The following ARMH3 variants were observed in gnomAD, a reference collection of about 807,000 sequenced individuals.
ARMH3 encodes armadillo-like helical domain-containing protein 3.
Under a neutral mutation model 99.1 loss-of-function variants are expected in ARMH3, and 60 were observed. The ratio of observed to expected loss-of-function variants is 0.61; its 90% confidence interval spans 0.49 to 0.75. The LOEUF is 0.75. Ranked by LOEUF, ARMH3 falls within the 30% of genes least tolerant of loss-of-function variation. ARMH3 has a pLI of 0.00. For synonymous variants in ARMH3, 285 were observed against 292.8 expected (o/e 0.97, Z 0.27); for missense variants, 679 against 843.1 (o/e 0.81, Z 2.41).
intron 1 of ARMH3, among the ~76,000 whole-genome samples, chr10:102,041,075 CATATATATATATATA>C (rs2067399922): frequency 1.5e-5 from 2 of 132,006 alleles, no homozygotes; most frequent in African/African-American, 5.5e-5. Context: ...ATTGTGTGTA[CATATATATATATATA>C]ATATATATAT....
intron 20 of ARMH3, among the ~76,000 whole-genome samples, 163 bp downstream of exon 20, chr10:101,975,049 T>TAAAAA (rs11399489): frequency 3.4e-5 from 1 of 29,668 alleles, no homozygotes; most frequent in Non-Finnish European, 6.0e-5. Flanking sequence ...AGCTAAAACG[T>TAAAAA]AAAAAAAAAA....
intron 24 of ARMH3, among the ~76,000 whole-genome samples, chr10:101,876,472 T>C (rs1311116883): frequency 1.3e-5 from 2 of 152,182 alleles, no homozygotes. Context: ...CTCATTTATC[T>C]ATCCCTCCCA....
At chr10:102,025,081 AT>A in intron 6 of ARMH3, 74 bp downstream of exon 6, 1 of 1,237,388 alleles carries the variant, frequency 8.1e-7, no homozygotes, top group Non-Finnish European at 1.2e-6. Flanking sequence ...TTTTCCTTCT[AT>A]CTTTGGGCTC....
intron 24 of ARMH3, among the ~76,000 whole-genome samples, chr10:101,871,995 C>CA (rs1305821276): frequency 7.6e-5 from 11 of 145,182 alleles, no homozygotes; most frequent in Admixed American, 2.1e-4. Context: ...GTAAGACTCT[C>CA]AAAAAAAAAG....
At chr10:101,994,697 C>G (rs1846973176) in intron 16 of ARMH3, among the ~76,000 whole-genome samples, 1 of 152,168 alleles carries the variant, frequency 6.6e-6, no homozygotes, top group Admixed American at 6.6e-5. Flanking sequence ...TTACTATCCA[C>G]CCCTTCACCC....
At chr10:101,935,254 C>A (rs1184807998) in intron 23 of ARMH3, among the ~76,000 whole-genome samples, 1 of 149,400 alleles carries the variant, frequency 6.7e-6, no homozygotes, top group African/African-American at 2.5e-5. Context: ...AGAAAACATA[C>A]AGGGCCCTGT....
Position 101,939,799 on chromosome 10 carries a change from G to C in ARMH3, c.1781+64C>G. On this transcript the variant is annotated intron_variant, in intron 23 of 25. Transcript: ENST00000370033. ...AGTAGTGTTCAACACACTTTACTTA[G>C]AAAGGTACAATAAACCTCAGGAAGA... is the stretch of plus-strand genomic sequence containing the variant. 2.1e-6 allele frequency: 3 copies of C among 1,402,520 alleles called. No homozygotes were observed. In the South Asian group the frequency reaches 3.5e-5, roughly 16 times the overall value. 86.9% of individuals were successfully genotyped at this position (1,402,520 alleles called of 1,614,324 possible).
At chr10:102,005,791 T>C (rs2066470476) in intron 14 of ARMH3, among the ~76,000 whole-genome samples, 1 of 152,212 alleles carries the variant, frequency 6.6e-6, no homozygotes, top group Non-Finnish European at 1.5e-5. Context: ...TTTTCTTAGG[T>C]TCCAGCCATA....
chr10:101,940,500 G>A (rs11191155), intron 22 of ARMH3, among the ~76,000 whole-genome samples: 32,063 of 151,394 alleles, frequency 0.21, 3,815 homozygotes, highest in East Asian at 0.56. Context: ...TGTGCACAAC[G>A]TGCAGGTTTG....
chr10:101,949,632 A>G (rs915629272), intron 22 of ARMH3, among the ~76,000 whole-genome samples: 1 of 152,178 alleles, frequency 6.6e-6, no homozygotes, highest in Non-Finnish European at 1.5e-5. Flanking sequence ...GGCAAATTTT[A>G]CCAAACATTT....
intron 24 of ARMH3, among the ~76,000 whole-genome samples, chr10:101,867,517 T>G (rs891381806): frequency 2.6e-5 from 4 of 152,208 alleles, no homozygotes; most frequent in Non-Finnish European, 4.4e-5. Context: ...ATTACAACAC[T>G]GAAGATGCCA....
At chr10:101,991,099 G>C (rs1846769025) in intron 18 of ARMH3, among the ~76,000 whole-genome samples, 3 of 152,220 alleles carry the variant, frequency 2.0e-5, no homozygotes, top group Non-Finnish European at 4.4e-5. Context: ...TTTGGGTCAA[G>C]AGAGGCTTAT....
chr10:101,920,160 T>C (rs957465548), intron 23 of ARMH3, among the ~76,000 whole-genome samples: 2 of 152,202 alleles, frequency 1.3e-5, no homozygotes, highest in African/African-American at 4.8e-5. Flanking sequence ...GCTCACAGCC[T>C]AGTCAAGAGG....
chr10:102,053,214 T>TAA (rs1191838493), intron 1 of ARMH3, among the ~76,000 whole-genome samples: 4,646 of 47,966 alleles, frequency 0.097, 43 homozygotes, highest in Middle Eastern at 0.15. Flanking sequence ...CCTCAGAAGC[T>TAA]AAAAAAAAAA....
At position 101,849,860 on chromosome 10, in the gene ARMH3, C is replaced by A. The variant is rs776445122; in HGVS notation, c.1893G>T (p.Thr631=). The A allele has an allele frequency of 1.2e-6, 2 of 1,614,096 alleles. No homozygotes were observed. The highest frequency in any genetic ancestry group is 2.2e-5 in the South Asian group (2 of 91,086). Reference sequence around the variant, plus strand: ...GGCCATCCTGCAGCTTCAGCGTGAGCGTGTCATAGTTGGCTCTCACCACCT... The same window carrying A: ...GGCCATCCTGCAGCTTCAGCGTGAGAGTGTCATAGTTGGCTCTCACCACCT... The part of the protein sequence containing the change: ...VLEVVRANYD[T]LTLKLQDGLD... The change falls in exon 25 of 26, where the codon ACG becomes ACT. Residue 631 remains threonine, a synonymous_variant. Coordinates refer to ENST00000370033, the MANE Select transcript of ARMH3 (RefSeq NM_024541.3).
At position 102,031,577 on chromosome 10, in the gene ARMH3, T is replaced by C. The variant is rs115552915; in HGVS notation, c.306+1449A>G. 9.4e-3 allele frequency among the ~76,000 whole-genome samples: 1,425 copies of C among 152,326 alleles called. 18 individuals carry two copies. Among genetic ancestry groups the C allele is most frequent in the African/African-American group, 0.032 (1,349 of 41,564 alleles). The stretch of plus-strand genomic sequence containing the variant: ...AGTTAACAAAGCTATAGAATAAACA[T>C]GGTCCATCTTTCTGGGACATCAACT... On this transcript the variant is annotated intron_variant, in intron 4 of 25. Coordinates refer to ENST00000370033, the MANE Select transcript of ARMH3 (RefSeq NM_024541.3).
Position 101,956,632 on chromosome 10 carries a change from C to A in ARMH3, c.1670G>T (p.Arg557Leu). The A allele has an allele frequency of 1.9e-6, 3 of 1,613,348 alleles. No homozygotes were observed. Among genetic ancestry groups the A allele is most frequent in the South Asian group, 1.1e-5 (1 of 91,034 alleles). Residue 557 changes from arginine to leucine, a missense_variant, in exon 22 of 26, where the codon CGC becomes CTC. Arg to Leu is a moderately radical substitution (Grantham distance 102, BLOSUM62 -2). This residue lies in a region of ARMH3 where 389 missense variants were observed against 456.5 expected (regional missense o/e 0.85). Coordinates refer to ENST00000370033, the MANE Select transcript of ARMH3 (RefSeq NM_024541.3). ...GAGGTTGTCAAAGCTCTGGTGCATG[C>A]GGATAATCTCATAGTAAAGTTCATC... Reference protein sequence around the residue: ...SYDELYYEIIRMHQSFDNLYS... With the variant: ...SYDELYYEIILMHQSFDNLYS...
chr10:101,875,512 T>A (rs982223696), intron 24 of ARMH3, among the ~76,000 whole-genome samples: 1 of 151,946 alleles, frequency 6.6e-6, no homozygotes, highest in Non-Finnish European at 1.5e-5. Context: ...AGGCAGAAGG[T>A]TTTTTCCCCC....
intron 16 of ARMH3, among the ~76,000 whole-genome samples, chr10:101,994,622 T>C (rs1846970042): frequency 6.6e-6 from 1 of 152,326 alleles, no homozygotes. Flanking sequence ...TCTCTTCTTT[T>C]TTCCCCTCAG....
Sources: allele counts gnomAD v4.1 joint callset (sites outside exome capture counted in the v4.1 genomes callset), GRCh38; gene constraint gnomAD v4.1.1; regional missense constraint gnomAD v4.1.1; transcripts MANE v1.5; gene names NCBI Gene and HGNC (gene_info 2026-07-23, HGNC 2026-07-21).